The following SPAG17 variants were observed in gnomAD, a reference collection of about 807,000 sequenced individuals.
The protein encoded by SPAG17 is sperm-associated antigen 17.
In SPAG17, 169 loss-of-function variants were observed where a neutral mutation model predicts 273.6. The ratio of observed to expected loss-of-function variants is 0.62; its 90% CI spans 0.55 to 0.70. The LOEUF is 0.70. Ranked by LOEUF, SPAG17 falls within the 30% of genes least tolerant of loss-of-function variation. The probability of loss-of-function intolerance (pLI) is 0.00; values close to 1 mark genes in which losing one functional copy is unlikely to be tolerated. For missense variants in SPAG17, 2,557 were observed against 2,627.8 expected (o/e 0.97, Z 0.59); for synonymous variants, 825 against 873.2 (o/e 0.94, Z 0.97).
At chr1:117,984,369 C>G (rs1008728392) in intron 41 of SPAG17, among the ~76,000 whole-genome samples, 1 of 152,112 alleles carries the variant, frequency 6.6e-6, no homozygotes. Context: ...AGAGGACAAT[C>G]AATGATAGGA....
intron 3 of SPAG17, among the ~76,000 whole-genome samples, chr1:118,139,382 C>A (rs1216539627): frequency 6.6e-6 from 1 of 151,552 alleles, no homozygotes; most frequent in Non-Finnish European, 1.5e-5. Context: ...GTTACGACAG[C>A]CCATTATGGA....
At chr1:118,116,902 A>T (rs1297315624) in intron 3 of SPAG17, among the ~76,000 whole-genome samples, 1 of 152,202 alleles carries the variant, frequency 6.6e-6, no homozygotes, top group Non-Finnish European at 1.5e-5. Context: ...GGAAAGAGAC[A>T]TGATGGCTGT....
At chr1:118,028,133 G>A in intron 26 of SPAG17, 141 bp downstream of exon 26, 1 of 992,604 alleles carries the variant, frequency 1.0e-6, no homozygotes, top group East Asian at 2.5e-5. Context: ...CCTGGCCATA[G>A]TAAATGCTAC....
intron 34 of SPAG17, 115 bp downstream of exon 34, chr1:117,996,255 G>A: frequency 7.9e-7 from 1 of 1,257,904 alleles, no homozygotes; most frequent in Non-Finnish European, 1.1e-6. Flanking sequence ...CCAAAGTAGA[G>A]CAGAAAAGTG....
chr1:118,018,321 G>A (rs1660167213), intron 28 of SPAG17, among the ~76,000 whole-genome samples: 1 of 152,112 alleles, frequency 6.6e-6, no homozygotes, highest in Non-Finnish European at 1.5e-5. Context: ...CAGAAAGCTT[G>A]CCTGTGTTCA....
At chr1:118,042,950 C>T (rs951478341) in intron 20 of SPAG17, among the ~76,000 whole-genome samples, 1 of 152,128 alleles carries the variant, frequency 6.6e-6, no homozygotes, top group African/African-American at 2.4e-5. Context: ...TGGACCCTTC[C>T]ACCGTTAACA....
intron 3 of SPAG17, among the ~76,000 whole-genome samples, chr1:118,138,415 G>A (rs577694858): frequency 2.6e-5 from 4 of 152,278 alleles, no homozygotes; most frequent in South Asian, 2.1e-4. Context: ...TTAAGTGAGA[G>A]GCTGAGAGAG....
chr1:118,178,851 C>A (rs1208109303), intron 1 of SPAG17, among the ~76,000 whole-genome samples: 2 of 151,900 alleles, frequency 1.3e-5, no homozygotes, highest in East Asian at 3.9e-4. Context: ...ATAAAGTAAG[C>A]CCATTTGCAG....
intron 4 of SPAG17, among the ~76,000 whole-genome samples, chr1:118,106,239 A>G (rs1253710343): frequency 1.3e-5 from 2 of 152,172 alleles, no homozygotes; most frequent in African/African-American, 2.4e-5. Context: ...ATCATTATCA[A>G]TATTACATTT....
Position 118,025,329 on chromosome 1 carries a change from T to C in SPAG17, c.3818A>G (p.Lys1273Arg). The C allele has an allele frequency of 1.2e-6, 2 of 1,613,630 alleles. No homozygotes were observed. The highest frequency in any genetic ancestry group is 1.7e-6 in the Non-Finnish European group (2 of 1,179,774). The change falls in exon 27 of 49, where the codon AAA becomes AGA. Residue 1273 changes from lysine to arginine, a missense_variant. Transcript: ENST00000336338. ...PQRVKHYEFY[K>R]TVMPPAEQEA... The stretch of plus-strand genomic sequence containing the variant: ...CTGCTCTGCGGGTGGCATCACCGTT[T>C]TATAGAACTCATAGTGCTTCACCCT...
rs769733713 is a variant in SPAG17, at chr1:118,099,743, G to T, written c.692C>A (p.Pro231His). ...CTCAGCCATAATTGCTAATAGCTGAGGATTGTTAAAGCCCACAACTATAAT... is the reference window on the plus strand; with the variant it reads ...CTCAGCCATAATTGCTAATAGCTGATGATTGTTAAAGCCCACAACTATAAT... ...HYIIVVGFNN[P>H]QLLAIMAELG... Residue 231 changes from proline (P) to histidine (H), a missense_variant, in exon 6 of 49, where the codon CCT (proline) becomes CAT (histidine). Coordinates refer to ENST00000336338, the MANE Select transcript of SPAG17 (RefSeq NM_206996.4). The T allele has an allele frequency of 6.8e-6, 11 of 1,613,440 alleles. No homozygotes were observed. Among genetic ancestry groups the T allele is most frequent in the Admixed American group, 3.3e-5 (2 of 59,982 alleles).
chr1:118,080,876 C>T (rs1321155763), intron 15 of SPAG17, among the ~76,000 whole-genome samples: 1 of 151,984 alleles, frequency 6.6e-6, no homozygotes, highest in Non-Finnish European at 1.5e-5. Flanking sequence ...GTTTGCTGTG[C>T]TAAATTTACT....
At chr1:118,034,058 C>T (rs1251656715) in intron 24 of SPAG17, among the ~76,000 whole-genome samples, 1 of 152,152 alleles carries the variant, frequency 6.6e-6, no homozygotes, top group Non-Finnish European at 1.5e-5. Flanking sequence ...ACAGAAAGTA[C>T]AGTATATAAA....
intron 30 of SPAG17, among the ~76,000 whole-genome samples, chr1:118,011,743 AACACACACACACACAG>A (rs940438927): frequency 6.6e-6 from 1 of 151,440 alleles, no homozygotes; most frequent in Admixed American, 6.6e-5. Flanking sequence ...ACATAAATAA[AACACACACACACACAG>A]ACACACACAC....
intron 21 of SPAG17, 53 bp downstream of exon 21, chr1:118,041,749 CA>C: frequency 6.4e-7 from 1 of 1,563,642 alleles, no homozygotes; most frequent in Non-Finnish European, 8.6e-7. Context: ...CGTATTTTCC[CA>C]AAACAATTAG....
chr1:118,118,888 G>A (rs958882859), intron 3 of SPAG17, among the ~76,000 whole-genome samples: 1 of 152,150 alleles, frequency 6.6e-6, no homozygotes, highest in Non-Finnish European at 1.5e-5. Context: ...CTGGCTCAAA[G>A]AATTACATCA....
intron 26 of SPAG17, 151 bp from the exon 27 acceptor site, chr1:118,025,567 G>T: frequency 1.6e-6 from 1 of 630,964 alleles, no homozygotes; most frequent in Non-Finnish European, 2.5e-6. Flanking sequence ...GAGTGCAATG[G>T]TGCAATCATA....
chr1:118,036,577 A>G lies in SPAG17; in HGVS notation c.3433+193T>C, dbSNP rs1321996724. 11 of 375,640 alleles carry G rather than the reference A, an allele frequency of 2.9e-5. No individual in the cohort carries two copies. In the East Asian group the frequency reaches 3.0e-4, roughly 10 times the overall value. 23.3% of individuals were successfully genotyped at this position (375,640 alleles called of 1,614,324 possible). On this transcript the variant is annotated intron_variant, in intron 24 of 48. Coordinates refer to ENST00000336338, the MANE Select transcript of SPAG17 (RefSeq NM_206996.4). ...TCTATGTATAAAAGATTATATATAT[A>G]TATACTGTATACACACATATATAGA... is the stretch of plus-strand genomic sequence containing the variant.
chr1:117,980,705 G>T (rs1041225365), intron 43 of SPAG17, among the ~76,000 whole-genome samples: 1 of 152,094 alleles, frequency 6.6e-6, no homozygotes, highest in African/African-American at 2.4e-5. Flanking sequence ...TCTCTTTTGT[G>T]ATCAACTATA....
Sources: gnomAD v4.1 joint callset for allele counts (sites outside exome capture counted in the v4.1 genomes callset) on GRCh38, gnomAD v4.1.1 for gene constraint, MANE v1.5 for transcripts, NCBI Gene and HGNC (gene_info 2026-07-23, HGNC 2026-07-21) for gene names.